The following ATP6V1A variants were observed in gnomAD, a reference collection of about 807,000 sequenced individuals.
ATP6V1A encodes the protein ATPase H+ transporting V1 subunit A, also known as V-type proton ATPase catalytic subunit A.
In ATP6V1A, 18 loss-of-function variants were observed where a neutral mutation model predicts 70.1. That is an observed-to-expected ratio of 0.26 (90% CI 0.18 to 0.38). The LOEUF is 0.38. Ranked by LOEUF, ATP6V1A falls within the 10% of genes least tolerant of loss-of-function variation. The pLI, the probability that ATP6V1A is intolerant of heterozygous loss-of-function variation, is 1.00. For synonymous variants in ATP6V1A, 232 were observed against 253.8 expected, an observed-to-expected ratio of 0.91 and a Z score of 0.82; for missense variants, 424 against 772.4, an observed-to-expected ratio of 0.55 and a Z score of 5.35.
intron 6 of ATP6V1A, among the ~76,000 whole-genome samples, chr3:113,787,170 A>G (rs1709047956): frequency 6.6e-6 from 1 of 152,194 alleles, no homozygotes. Context: ...GAAAGAAAAT[A>G]GTACAGAATG....
intron 11 of ATP6V1A, among the ~76,000 whole-genome samples, chr3:113,796,664 T>A (rs933584981): frequency 3.3e-5 from 5 of 152,120 alleles, no homozygotes; most frequent in Non-Finnish European, 5.9e-5. Context: ...AAAAGTGATA[T>A]GTGTATATTA....
chr3:113,747,587 C>G (rs1708537279), intron 1 of ATP6V1A, among the ~76,000 whole-genome samples: 1 of 152,220 alleles, frequency 6.6e-6, no homozygotes, highest in South Asian at 2.1e-4. Context: ...ACGGCCCTCA[C>G]TGCAGAGTCA....
chr3:113,769,022 A>G (rs1482882291), intron 1 of ATP6V1A, among the ~76,000 whole-genome samples: 1 of 152,242 alleles, frequency 6.6e-6, no homozygotes, highest in African/African-American at 2.4e-5. Flanking sequence ...GAATTACAAT[A>G]ATAGGCTTAA....
intron 1 of ATP6V1A, among the ~76,000 whole-genome samples, chr3:113,772,179 G>C (rs1051289153): frequency 1.3e-5 from 2 of 152,226 alleles, no homozygotes; most frequent in Non-Finnish European, 2.9e-5. Context: ...TGTCCATTCA[G>C]CAGGTGCACA....
intron 1 of ATP6V1A, among the ~76,000 whole-genome samples, chr3:113,775,489 C>G (rs774998294): frequency 3.9e-5 from 6 of 152,160 alleles, no homozygotes; most frequent in African/African-American, 1.2e-4. Flanking sequence ...CTCGGCCCCC[C>G]CAAGTGCTGG....
chr3:113,765,797 C>T (rs908888457), intron 1 of ATP6V1A, among the ~76,000 whole-genome samples: 12 of 150,358 alleles, frequency 8.0e-5, no homozygotes, highest in East Asian at 2.0e-4. Context: ...TGTGGTAGCA[C>T]GTACCTGTAA....
In ATP6V1A at chr3:113,801,931, A is replaced by C. The variant is rs535882825; in HGVS notation, c.1495-1652A>C. On this transcript the variant is annotated intron_variant, in intron 12 of 14. Coordinates refer to ENST00000273398, the MANE Select transcript of ATP6V1A (RefSeq NM_001690.4). ...AAAAGGGATTTACAAAAAAAAAAAA[A>C]ACAAAACTGGAGACCTGATCCATAA... Among the ~76,000 whole-genome samples, 315 of 151,758 alleles carry C rather than the reference A, an allele frequency of 2.1e-3. 4 individuals are homozygous for C. Among genetic ancestry groups the C allele is most frequent in the Non-Finnish European group, 2.5e-3 (172 of 67,880 alleles).
intron 11 of ATP6V1A, among the ~76,000 whole-genome samples, chr3:113,796,344 A>G (rs533212989): frequency 2.7e-4 from 41 of 152,296 alleles, no homozygotes; most frequent in Admixed American, 8.5e-4. Context: ...TGAGTCCAGG[A>G]TTCTTTCCAT....
intron 1 of ATP6V1A, among the ~76,000 whole-genome samples, chr3:113,757,359 C>G (rs1357650390): frequency 1.3e-5 from 2 of 152,184 alleles, no homozygotes; most frequent in East Asian, 1.9e-4. Context: ...AATTCTACCT[C>G]AGAGTAGTAT....
rs748283732 is a variant in ATP6V1A at position 113,795,013 on chromosome 3, TATC to T, written c.1111+22_1111+24del. 15 of 1,613,452 alleles carry T rather than the reference TATC, an allele frequency of 9.3e-6. No homozygotes were observed. The highest frequency in any genetic ancestry group is 1.3e-5 in the Non-Finnish European group (15 of 1,179,700). On this transcript the variant is annotated intron_variant, in intron 9 of 14. Coordinates refer to ENST00000273398, the MANE Select transcript of ATP6V1A (RefSeq NM_001690.4). ...CCTGCAGGTAAGTCTGTGTATTGCT[TATC>T]ATGTAAACAAGACTGATGGGATTTT... is the stretch of plus-strand genomic sequence containing the variant.
chr3:113,771,688 C>A (rs553140107), intron 1 of ATP6V1A, among the ~76,000 whole-genome samples: 1 of 152,066 alleles, frequency 6.6e-6, no homozygotes, highest in South Asian at 2.1e-4. Flanking sequence ...CCGCCTGCCT[C>A]GGCTTCCCAA....
intron 1 of ATP6V1A, among the ~76,000 whole-genome samples, chr3:113,760,769 C>T (rs1163865354): frequency 6.6e-6 from 1 of 150,750 alleles, no homozygotes; most frequent in African/African-American, 2.4e-5. Flanking sequence ...AGGATGGATT[C>T]GTTTAAATAT....
intron 1 of ATP6V1A, among the ~76,000 whole-genome samples, chr3:113,747,795 G>A (rs1708540262): frequency 6.6e-6 from 1 of 152,196 alleles, no homozygotes; most frequent in African/African-American, 2.4e-5. Flanking sequence ...TTAGTAATGC[G>A]ACAGTCTCGA....
chr3:113,776,063 T>C lies in ATP6V1A; in HGVS notation c.-13-2678T>C, dbSNP rs114000005. Among the ~76,000 whole-genome samples the C allele has an allele frequency of 5.4e-3, 823 of 152,216 alleles. 8 individuals carry two copies. Among genetic ancestry groups the C allele is most frequent in the African/African-American group, 0.019 (784 of 41,534 alleles). ...TACTGTATTTTCAGGAAGCCAAAAA[T>C]CCTAATAAATTTCTGCCAGGCGCGG... On this transcript the variant is annotated intron_variant, in intron 1 of 14. Coordinates refer to ENST00000273398, the MANE Select transcript of ATP6V1A (RefSeq NM_001690.4).
chr3:113,768,222 C>A (rs1708795508), intron 1 of ATP6V1A, among the ~76,000 whole-genome samples: 1 of 152,156 alleles, frequency 6.6e-6, no homozygotes, highest in Non-Finnish European at 1.5e-5. Context: ...TTGCTGTTCT[C>A]TGCTCTTTGA....
At chr3:113,760,379 A>G (rs1339493291) in intron 1 of ATP6V1A, among the ~76,000 whole-genome samples, 3 of 152,232 alleles carry the variant, frequency 2.0e-5, no homozygotes, top group Non-Finnish European at 4.4e-5. Context: ...ACATTGGGTT[A>G]ATATACCTGA....
intron 6 of ATP6V1A, among the ~76,000 whole-genome samples, 182 bp from the exon 7 acceptor site, chr3:113,788,531 A>C (rs1186157457): frequency 6.6e-6 from 1 of 151,194 alleles, no homozygotes; most frequent in Non-Finnish European, 1.5e-5. Context: ...ATTTTAGTAG[A>C]GGTGGGGTTT....
At position 113,764,013 on chromosome 3, in the gene ATP6V1A, G is replaced by T. The variant is rs139709545; in HGVS notation, c.-13-14728G>T. On this transcript the variant is annotated intron_variant, in intron 1 of 14. Coordinates refer to ENST00000273398, the MANE Select transcript of ATP6V1A (RefSeq NM_001690.4). ...CCAGCACTTTGGGAGGCCGAAGCGG[G>T]AGGATCACTTGAGCCCAGGAGTTCA... Among the ~76,000 whole-genome samples the T allele has an allele frequency of 4.6e-3, 703 of 152,216 alleles. 15 individuals carry two copies. The highest frequency in any genetic ancestry group is 0.034 in the Admixed American group (514 of 15,282).
At chr3:113,749,408 T>C (rs1708560763) in intron 1 of ATP6V1A, among the ~76,000 whole-genome samples, 1 of 152,164 alleles carries the variant, frequency 6.6e-6, no homozygotes, top group Non-Finnish European at 1.5e-5. Context: ...TATAGTCCAC[T>C]ATTAAATAAA....
Sources: allele counts gnomAD v4.1 joint callset (sites outside exome capture counted in the v4.1 genomes callset), GRCh38; gene constraint gnomAD v4.1.1; transcripts MANE v1.5; gene names NCBI Gene and HGNC (gene_info 2026-07-23, HGNC 2026-07-21).